The following RTN4RL1 variants were observed in gnomAD, a reference collection of about 807,000 sequenced individuals.
The protein encoded by RTN4RL1 is reticulon-4 receptor-like 1.
In RTN4RL1, 7 loss-of-function variants were observed where a neutral mutation model predicts 25.6. The ratio of observed to expected loss-of-function variants is 0.27; its 90% CI spans 0.16 to 0.51. The LOEUF (loss-of-function observed/expected upper bound fraction) is 0.51. Among genes scored for constraint, RTN4RL1 ranks in the 20% least tolerant of loss-of-function variants. RTN4RL1 has a pLI of 0.97. For synonymous variants in RTN4RL1, 297 were observed against 288.2 expected (o/e 1.03, Z -0.31); for missense variants, 500 against 615.6 (o/e 0.81, Z 1.99).
intron 1 of RTN4RL1, chr17:2,017,831 A>C (rs1001256496): frequency 6.6e-6 from 1 of 152,318 alleles, no homozygotes; most frequent in South Asian, 2.1e-4. Flanking sequence ...CTGGTTAGAC[A>C]GTGATCACAG....
At chr17:1,940,550 A>C (rs958978084) in intron 1 of RTN4RL1, among the ~76,000 whole-genome samples, 2 of 152,128 alleles carry the variant, frequency 1.3e-5, no homozygotes, top group African/African-American at 4.8e-5. Context: ...AAGGAGACCC[A>C]GCCTGCAGGG....
chr17:1,941,206 C>T (rs1007463194), intron 1 of RTN4RL1, among the ~76,000 whole-genome samples: 9 of 152,198 alleles, frequency 5.9e-5, no homozygotes, highest in Non-Finnish European at 7.4e-5. Context: ...TAGCGGGTCC[C>T]ACGGAGAGAC....
intron 1 of RTN4RL1, chr17:1,995,557 A>T (rs2066925815): frequency 6.6e-6 from 1 of 152,100 alleles, no homozygotes; most frequent in South Asian, 2.1e-4. Flanking sequence ...ACCCCAGATG[A>T]GGGAGCTGAC....
In RTN4RL1 at chr17:1,936,699, G is replaced by C. The variant is rs1403925983; in HGVS notation, c.1123C>G (p.Pro375Ala). The change falls in exon 2 of 2, where the codon CCC becomes GCC. Residue 375 changes from proline to alanine, a missense_variant. Pro to Ala is a conservative substitution (Grantham distance 27). This residue lies in a region of RTN4RL1 where 268 missense variants were observed against 274.5 expected (regional missense o/e 0.98). Transcript: ENST00000331238. ...TCTGGGGCATAGTCTGGCAGCTCGG[G>C]GGCCTGTTTCCCGGCGCCCGCCTTA... is the stretch of plus-strand genomic sequence containing the variant. Reference protein sequence around the residue: ...ISKAGAGKQAPELPDYAPDYQ... With the variant: ...ISKAGAGKQAAELPDYAPDYQ... 1.3e-6 allele frequency: 2 copies of C among 1,583,686 alleles called. No individual in the cohort carries two copies. Among genetic ancestry groups the C allele is most frequent in the African/African-American group, 2.7e-5 (2 of 73,838 alleles).
Position 1,950,449 on chromosome 17 carries a change from A to G in RTN4RL1, c.14-12641T>C, listed in dbSNP as rs186570448. ...CAGCTGAGGATGCATAACGTCCGAG[A>G]AGCCTTAGAGAGATGTTTAGTTGGC... On this transcript the variant is annotated intron_variant, in intron 1 of 1. Coordinates refer to ENST00000331238, the MANE Select transcript of RTN4RL1 (RefSeq NM_178568.4). Among the ~76,000 whole-genome samples the G allele has an allele frequency of 2.2e-3, 339 of 152,288 alleles. 3 individuals are homozygous for G. Among genetic ancestry groups the G allele is most frequent in the African/African-American group, 7.8e-3 (323 of 41,544 alleles).
chr17:2,005,689 ACT>A (rs954604656), intron 1 of RTN4RL1, among the ~76,000 whole-genome samples: 6 of 150,492 alleles, frequency 4.0e-5, no homozygotes, highest in African/African-American at 1.5e-4. Context: ...CTGGGATTGC[ACT>A]GTTGCACTCC....
At chr17:1,986,553 G>A (rs1298690559) in intron 1 of RTN4RL1, among the ~76,000 whole-genome samples, 1 of 152,120 alleles carries the variant, frequency 6.6e-6, no homozygotes, top group East Asian at 1.9e-4. Context: ...AGGAGACAGA[G>A]GGAAGCCACG....
At chr17:2,001,383 A>G (rs1478905887) in intron 1 of RTN4RL1, 1 of 152,248 alleles carries the variant, frequency 6.6e-6, no homozygotes, top group Non-Finnish European at 1.5e-5. Context: ...AGCTGGGACT[A>G]CAGGCGCCCG....
At chr17:1,982,251 A>C (rs1373020770) in intron 1 of RTN4RL1, among the ~76,000 whole-genome samples, 1 of 152,112 alleles carries the variant, frequency 6.6e-6, no homozygotes, top group Non-Finnish European at 1.5e-5. Context: ...CAGTGAGCTG[A>C]GATCACGCCA....
In RTN4RL1 at chr17:1,936,177, G is replaced by A. The variant is rs529639596; in HGVS notation, c.*319C>T. 1.9e-4 allele frequency: 227 copies of A among 1,168,852 alleles called. No individual in the cohort carries two copies. Among genetic ancestry groups the A allele is most frequent in the Non-Finnish European group, 2.3e-4 (219 of 945,530 alleles). 72.4% of individuals were successfully genotyped at this position (1,168,852 alleles called of 1,614,324 possible). A position where few individuals can be genotyped will look rare whatever the true frequency, so the allele number is the denominator to read the frequency against. On this transcript the variant is annotated 3_prime_UTR_variant, in exon 2 of 2. Coordinates refer to ENST00000331238, the MANE Select transcript of RTN4RL1 (RefSeq NM_178568.4). ...CCACAGAGCCCCGGTGCCGCCGTCG[G>A]GGGCAATTGTCCCACTGTTGCCAGT...
intron 1 of RTN4RL1, among the ~76,000 whole-genome samples, chr17:1,947,111 G>A (rs1221705589): frequency 6.7e-6 from 1 of 149,110 alleles, no homozygotes; most frequent in Admixed American, 6.7e-5. Context: ...GTGTGTGTGC[G>A]CACGGGGTCT....
chr17:1,944,494 C>G (rs1045472969), intron 1 of RTN4RL1, among the ~76,000 whole-genome samples: 1 of 151,982 alleles, frequency 6.6e-6, no homozygotes. Flanking sequence ...CTCGCTCTGT[C>G]CCCCAGGCTG....
At chr17:1,961,301 C>A (rs910714422) in intron 1 of RTN4RL1, among the ~76,000 whole-genome samples, 3 of 152,184 alleles carry the variant, frequency 2.0e-5, no homozygotes, top group Non-Finnish European at 4.4e-5. Flanking sequence ...GCTCAGCTGG[C>A]CTTCGGGGTG....
rs1378836441 is a variant in RTN4RL1, at chr17:1,989,972, C to T, written c.13+34881G>A. On this transcript the variant is annotated intron_variant, in intron 1 of 1. Transcript: ENST00000331238. ...CCTGTCTCTACAAAAAAAAACAAAA[C>T]AAAAAACAAAGGTCACGATAGTTTG... Among the ~76,000 whole-genome samples the T allele has an allele frequency of 2.6e-5, 4 of 152,038 alleles. No individual in the cohort carries two copies. In the East Asian group the frequency reaches 5.8e-4, roughly 22 times the overall value.
intron 1 of RTN4RL1, among the ~76,000 whole-genome samples, chr17:2,021,973 C>T (rs958056211): frequency 5.3e-5 from 8 of 151,648 alleles, no homozygotes; most frequent in South Asian, 2.1e-4. Flanking sequence ...ATCCTCCCAC[C>T]TCAGCCTCTC....
At chr17:2,000,171 C>T (rs1416136450) in intron 1 of RTN4RL1, among the ~76,000 whole-genome samples, 2 of 152,208 alleles carry the variant, frequency 1.3e-5, no homozygotes, top group African/African-American at 4.8e-5. Flanking sequence ...CCACCGCTGC[C>T]CCAGGTGTCC....
intron 1 of RTN4RL1, among the ~76,000 whole-genome samples, chr17:1,961,823 C>T (rs184730768): frequency 1.4e-4 from 19 of 136,664 alleles, no homozygotes; most frequent in African/African-American, 4.6e-4. Context: ...TGGCATGTGC[C>T]TGTAATCCCA....
chr17:1,996,686 G>A (rs1454097797), intron 1 of RTN4RL1, among the ~76,000 whole-genome samples: 1 of 152,212 alleles, frequency 6.6e-6, no homozygotes, highest in Admixed American at 6.5e-5. Flanking sequence ...TGAAATCCCA[G>A]CAGGCTTAAA....
chr17:1,949,551 G>A (rs536037473), intron 1 of RTN4RL1, among the ~76,000 whole-genome samples: 13 of 152,256 alleles, frequency 8.5e-5, no homozygotes, highest in East Asian at 5.8e-4. Flanking sequence ...CCTTCCCTGC[G>A]ATCAGTGAAA....
Sources: allele counts gnomAD v4.1 joint callset (sites outside exome capture counted in the v4.1 genomes callset), GRCh38; gene constraint gnomAD v4.1.1; regional missense constraint gnomAD v4.1.1; transcripts MANE v1.5; gene names NCBI Gene and HGNC (gene_info 2026-07-23, HGNC 2026-07-21).